UMAD1: variants seen among roughly 807,000 people sequenced by gnomAD.
The protein encoded by UMAD1 is UBAP1-MVB12-associated (UMA)-domain containing protein 1.
UMAD1 carries 8 observed loss-of-function variants against 6.1 expected under a neutral mutation model. The ratio of observed to expected loss-of-function variants is 1.30; its 90% CI spans 0.76 to 2.35. The LOEUF (loss-of-function observed/expected upper bound fraction) is 2.35. UMAD1 is among the 30% of genes most tolerant of loss of function. The pLI, the probability that UMAD1 is intolerant of heterozygous loss-of-function variation, is 0.00. For synonymous variants in UMAD1, 56 were observed against 31.4 expected, an observed-to-expected ratio of 1.78 and a Z score of -2.61; for missense variants, 130 against 78.4, an observed-to-expected ratio of 1.66 and a Z score of -2.49.
chr7:7,838,526 A>G (rs970548607), intron 3 of UMAD1, among the ~76,000 whole-genome samples: 8 of 152,146 alleles, frequency 5.3e-5, no homozygotes, highest in African/African-American at 1.7e-4. Context: ...AATTAGTAAA[A>G]CCACTTTTAG....
chr7:7,840,172 G>C (rs1197318745), intron 3 of UMAD1, among the ~76,000 whole-genome samples: 1 of 152,160 alleles, frequency 6.6e-6, no homozygotes, highest in African/African-American at 2.4e-5. Context: ...CAGATTGTTA[G>C]GTAAATAGGG....
chr7:7,753,424 C>G (rs905558861), intron 2 of UMAD1, among the ~76,000 whole-genome samples: 2 of 152,218 alleles, frequency 1.3e-5, no homozygotes, highest in African/African-American at 2.4e-5. Context: ...CAACTCCCCA[C>G]TACTCTTCCT....
intron 1 of UMAD1, among the ~76,000 whole-genome samples, chr7:7,641,919 G>C (rs1784982617): frequency 6.6e-6 from 1 of 152,134 alleles, no homozygotes; most frequent in African/African-American, 2.4e-5. Context: ...GCACTTAATA[G>C]GTTTGTCTTA....
intron 2 of UMAD1, among the ~76,000 whole-genome samples, chr7:7,725,924 C>T (rs572681439): frequency 6.6e-6 from 1 of 152,342 alleles, no homozygotes; most frequent in South Asian, 2.1e-4. Context: ...TGCAGTACTA[C>T]AGCCTCTTCT....
At chr7:7,804,613 C>T (rs1014728953) in intron 3 of UMAD1, among the ~76,000 whole-genome samples, 1 of 152,262 alleles carries the variant, frequency 6.6e-6, no homozygotes, top group Middle Eastern at 3.4e-3. Context: ...GCGGAGGTTG[C>T]AGTGAGCCAA....
chr7:7,828,678 A>T (rs7803087), intron 3 of UMAD1, among the ~76,000 whole-genome samples: 34,789 of 151,944 alleles, frequency 0.23, 4,235 homozygotes, highest in African/African-American at 0.31. Flanking sequence ...CTTGCACACA[A>T]CCTTGCGTTT....
At chr7:7,707,422 G>T (rs1436304555) in intron 2 of UMAD1, among the ~76,000 whole-genome samples, 2 of 152,162 alleles carry the variant, frequency 1.3e-5, no homozygotes, top group African/African-American at 2.4e-5. Flanking sequence ...AGCACCATCA[G>T]CAATGTTACC....
chr7:7,847,200 A>G (rs1435754111), intron 3 of UMAD1, among the ~76,000 whole-genome samples: 2 of 141,486 alleles, frequency 1.4e-5, no homozygotes, highest in African/African-American at 2.6e-5. Flanking sequence ...AGGGTGACCA[A>G]TGAACATGGT....
chr7:7,711,439 A>C (rs768115785), intron 2 of UMAD1, among the ~76,000 whole-genome samples: 1 of 152,166 alleles, frequency 6.6e-6, no homozygotes, highest in African/African-American at 2.4e-5. Flanking sequence ...TGAAAATTCT[A>C]TCCTTTTCAT....
intron 2 of UMAD1, among the ~76,000 whole-genome samples, chr7:7,722,438 CA>C (rs1187697547): frequency 6.6e-6 from 1 of 151,982 alleles, no homozygotes; most frequent in Admixed American, 6.6e-5. Context: ...GACAGTTATG[CA>C]AAATAAATGC....
intron 2 of UMAD1, among the ~76,000 whole-genome samples, chr7:7,711,787 A>G (rs1163529311): frequency 1.3e-5 from 2 of 152,022 alleles, no homozygotes; most frequent in Non-Finnish European, 2.9e-5. Flanking sequence ...TAATGAAGAG[A>G]CATTTTGATG....
intron 2 of UMAD1, among the ~76,000 whole-genome samples, chr7:7,702,300 A>G (rs1448550224): frequency 6.6e-6 from 1 of 152,210 alleles, no homozygotes; most frequent in East Asian, 1.9e-4. Flanking sequence ...TTCAGGGACT[A>G]GAGTTCCTAT....
intron 2 of UMAD1, among the ~76,000 whole-genome samples, chr7:7,797,174 T>G (rs1328088467): frequency 6.6e-6 from 1 of 151,462 alleles, no homozygotes; most frequent in Non-Finnish European, 1.5e-5. Context: ...ATGGCAAGAG[T>G]GGAAGCAAGA....
At chr7:7,863,686 C>G (rs115947768) in intron 3 of UMAD1, among the ~76,000 whole-genome samples, 19 of 151,974 alleles carry the variant, frequency 1.3e-4, no homozygotes, top group Admixed American at 1.0e-3. Context: ...GCATCAAGAG[C>G]CAATGGAGAA....
intron 2 of UMAD1, among the ~76,000 whole-genome samples, chr7:7,781,580 G>T (rs182078378): frequency 5.2e-4 from 79 of 151,874 alleles, no homozygotes; most frequent in African/African-American, 1.8e-3. Context: ...TAGGTTTATT[G>T]TTGCAGTAAA....
At chr7:7,868,128 T>C (rs1205120623) in intron 3 of UMAD1, among the ~76,000 whole-genome samples, 4 of 152,282 alleles carry the variant, frequency 2.6e-5, no homozygotes, top group Admixed American at 6.5e-5. Flanking sequence ...TGGGAAAATA[T>C]GAGCTGCCTG....
At chr7:7,685,379 A>T (rs1780019663) in intron 2 of UMAD1, among the ~76,000 whole-genome samples, 1 of 148,886 alleles carries the variant, frequency 6.7e-6, no homozygotes, top group East Asian at 2.0e-4. Flanking sequence ...GTGCCATCTC[A>T]GCTCACTGCA....
intron 3 of UMAD1, among the ~76,000 whole-genome samples, chr7:7,804,632 C>T (rs1782870930): frequency 6.6e-6 from 1 of 151,954 alleles, no homozygotes; most frequent in Non-Finnish European, 1.5e-5. Context: ...AAGATTGTGC[C>T]ACTGCACCCT....
intron 2 of UMAD1, chr7:7,738,619 C>A (rs1781404566): frequency 6.6e-6 from 1 of 152,226 alleles, no homozygotes; most frequent in Non-Finnish European, 1.5e-5. Context: ...AATTTGCCCT[C>A]TTTCTGGGAT....
Sources: gnomAD v4.1 joint callset for allele counts (sites outside exome capture counted in the v4.1 genomes callset) on GRCh38, gnomAD v4.1.1 for gene constraint, MANE v1.5 for transcripts, NCBI Gene and HGNC (gene_info 2026-07-23, HGNC 2026-07-21) for gene names.